The following TMEM135 variants were observed in gnomAD, a reference collection of about 807,000 sequenced individuals.
The protein encoded by TMEM135 is transmembrane protein 135.
A neutral mutation model predicts 60.3 loss-of-function variants in TMEM135; 30 were observed. That is an observed-to-expected ratio of 0.50 (90% CI 0.37 to 0.68). The LOEUF is 0.68. TMEM135 is among the 30% of genes least tolerant of loss of function. The pLI is 0.00. For missense variants in TMEM135, 468 were observed against 548.8 expected (o/e 0.85, Z 1.47); for synonymous variants, 190 against 186.7 (o/e 1.02, Z -0.14).
intron 6 of TMEM135, among the ~76,000 whole-genome samples, chr11:87,290,064 C>T (rs370266337): frequency 6.6e-6 from 1 of 151,954 alleles, no homozygotes; most frequent in African/African-American, 2.4e-5. Context: ...CTGTAGATTG[C>T]GAAGAAATAT....
At chr11:87,145,575 A>G (rs1938391757) in intron 4 of TMEM135, among the ~76,000 whole-genome samples, 1 of 152,040 alleles carries the variant, frequency 6.6e-6, no homozygotes, top group Non-Finnish European at 1.5e-5. Flanking sequence ...CCTTTTCTCC[A>G]TATCCTTGCC....
intron 7 of TMEM135, among the ~76,000 whole-genome samples, chr11:87,298,916 T>C (rs1942396296): frequency 1.3e-5 from 2 of 151,732 alleles, no homozygotes; most frequent in South Asian, 2.1e-4. Context: ...TGAAACCCCG[T>C]CTTTAGTAAA....
intron 3 of TMEM135, among the ~76,000 whole-genome samples, chr11:87,076,043 G>A (rs1856864844): frequency 6.6e-6 from 1 of 152,088 alleles, no homozygotes; most frequent in African/African-American, 2.4e-5. Context: ...CCATTACTTG[G>A]CTACCACTTG....
intron 14 of TMEM135, among the ~76,000 whole-genome samples, chr11:87,319,642 G>C (rs149352789): frequency 1.3e-5 from 2 of 151,002 alleles, no homozygotes; most frequent in South Asian, 4.1e-4. Flanking sequence ...AAGTCTGACT[G>C]TTTGAATCAC....
intron 5 of TMEM135, among the ~76,000 whole-genome samples, chr11:87,160,580 C>T (rs1286262656): frequency 4.6e-5 from 7 of 152,188 alleles, no homozygotes; most frequent in Non-Finnish European, 1.0e-4. Context: ...CAGTAATTCA[C>T]TTACTTAGAC....
At chr11:87,177,227 A>G (rs1939394175) in intron 5 of TMEM135, among the ~76,000 whole-genome samples, 1 of 151,994 alleles carries the variant, frequency 6.6e-6, no homozygotes, top group South Asian at 2.1e-4. Flanking sequence ...AATCCATCCT[A>G]CCTACATCCT....
intron 5 of TMEM135, among the ~76,000 whole-genome samples, chr11:87,198,759 A>C (rs1001281186): frequency 6.6e-6 from 1 of 151,798 alleles, no homozygotes; most frequent in Non-Finnish European, 1.5e-5. Flanking sequence ...TACCATGTAA[A>C]GGCACTATAC....
chr11:87,059,379 A>G (rs753432208), intron 1 of TMEM135, among the ~76,000 whole-genome samples: 75 of 147,488 alleles, frequency 5.1e-4, no homozygotes, highest in Non-Finnish European at 1.1e-3. Flanking sequence ...ATCTCGGTTC[A>G]CTGCAATCTC....
intron 4 of TMEM135, among the ~76,000 whole-genome samples, chr11:87,112,641 A>C (rs1268008061): frequency 6.6e-6 from 1 of 152,136 alleles, no homozygotes; most frequent in East Asian, 1.9e-4. Context: ...TAAAATGTAA[A>C]TGTAAGTGGT....
At chr11:87,257,293 A>T (rs547245000) in intron 6 of TMEM135, among the ~76,000 whole-genome samples, 1 of 152,300 alleles carries the variant, frequency 6.6e-6, no homozygotes, top group East Asian at 1.9e-4. Context: ...GCTATAACTC[A>T]TTGGGCTATG....
Position 87,318,238 on chromosome 11 carries a change from A to G in TMEM135, c.1176+3A>G. The G allele has an allele frequency of 6.2e-7, 1 of 1,600,214 alleles. No homozygotes were observed. Among genetic ancestry groups the G allele is most frequent in the Non-Finnish European group, 8.6e-7 (1 of 1,169,504 alleles). On this transcript the variant is annotated splice_donor_region_variant and intron_variant, in intron 13 of 14. Coordinates refer to ENST00000305494, the MANE Select transcript of TMEM135 (RefSeq NM_022918.4). The stretch of plus-strand genomic sequence containing the variant: ...CTACAGCAATTTGCTTCCAGGCAGT[A>G]AGTATAACTTTTTGAAATGAGAAAT...
chr11:87,284,026 T>C (rs1942117449), intron 6 of TMEM135, among the ~76,000 whole-genome samples: 1 of 152,258 alleles, frequency 6.6e-6, no homozygotes, highest in Non-Finnish European at 1.5e-5. Flanking sequence ...ATTATAATTT[T>C]GTTTAATGTA....
Position 87,241,690 on chromosome 11 carries a change from C to T in TMEM135, c.509+5006C>T, listed in dbSNP as rs200087551. ...ACTATTTTTTCCAGCCTCTGGTAAC[C>T]CGTATTCTACTGTCTATCTCCATGA... On this transcript the variant is annotated intron_variant, in intron 6 of 14. Transcript: ENST00000305494. Among the ~76,000 whole-genome samples, 11 of 152,120 alleles carry T rather than the reference C, an allele frequency of 7.2e-5. No homozygotes were observed. In the East Asian group the frequency reaches 2.1e-3, roughly 29 times the overall value.
At chr11:87,266,026 C>G (rs1413682447) in intron 6 of TMEM135, among the ~76,000 whole-genome samples, 1 of 152,068 alleles carries the variant, frequency 6.6e-6, no homozygotes, top group African/African-American at 2.4e-5. Flanking sequence ...AAATGTTATT[C>G]ATGACTCACA....
intron 1 of TMEM135, among the ~76,000 whole-genome samples, chr11:87,063,252 TA>T (rs1232539752): frequency 6.6e-6 from 1 of 152,234 alleles, no homozygotes; most frequent in African/African-American, 2.4e-5. Context: ...AATAGTCTTC[TA>T]AAACCAGGTC....
chr11:87,217,615 G>A (rs879616941), intron 5 of TMEM135, among the ~76,000 whole-genome samples: 1 of 151,924 alleles, frequency 6.6e-6, no homozygotes, highest in Non-Finnish European at 1.5e-5. Context: ...GAGAAACCCC[G>A]TCTCTGCTAA....
At chr11:87,040,148 T>C (rs1164065784) in intron 1 of TMEM135, among the ~76,000 whole-genome samples, 1 of 152,178 alleles carries the variant, frequency 6.6e-6, no homozygotes, top group Admixed American at 6.5e-5. Context: ...TTATTTTATA[T>C]TAGTGAAATG....
intron 5 of TMEM135, 130 bp downstream of exon 5, chr11:87,157,536 G>C (rs935355033): frequency 2.7e-5 from 21 of 770,422 alleles, no homozygotes; most frequent in Non-Finnish European, 4.1e-5. Context: ...ATAATATTGA[G>C]TGTACCTGAT....
chr11:87,212,578 T>G (rs1940396127), intron 5 of TMEM135, among the ~76,000 whole-genome samples: 1 of 152,056 alleles, frequency 6.6e-6, no homozygotes, highest in East Asian at 1.9e-4. Context: ...TTCCAGCACT[T>G]TGGGAGGCCG....
Sources: allele counts gnomAD v4.1 joint callset (sites outside exome capture counted in the v4.1 genomes callset), GRCh38; gene constraint gnomAD v4.1.1; transcripts MANE v1.5; gene names NCBI Gene and HGNC (gene_info 2026-07-23, HGNC 2026-07-21).